Variants in KCNQ5 observed in about 807,000 individuals in gnomAD.
The protein encoded by KCNQ5 is potassium voltage-gated channel subfamily Q member 5.
A neutral mutation model predicts 98.2 loss-of-function variants in KCNQ5; 30 were observed. The observed-to-expected ratio is 0.31, with a 90% CI of 0.23 to 0.41. The LOEUF is 0.41. KCNQ5 is among the 10% of genes least tolerant of loss of function. KCNQ5 has a pLI of 1.00. For synonymous variants in KCNQ5, 458 were observed against 449.4 expected (o/e 1.02, Z -0.24); for missense variants, 835 against 1,182.5 (o/e 0.71, Z 4.31).
intron 1 of KCNQ5, among the ~76,000 whole-genome samples, chr6:73,002,887 A>G (rs1477662017): frequency 6.6e-6 from 1 of 152,160 alleles, no homozygotes; most frequent in East Asian, 1.9e-4. Context: ...GGAACTTCCA[A>G]TCAAGTGTGG....
At chr6:73,085,314 G>A (rs911077658) in intron 5 of KCNQ5, among the ~76,000 whole-genome samples, 4 of 152,108 alleles carry the variant, frequency 2.6e-5, no homozygotes, top group Non-Finnish European at 4.4e-5. Flanking sequence ...CCACAGAAGG[G>A]AAATGATGCA....
chr6:72,973,362 A>G (rs115676759), intron 1 of KCNQ5, among the ~76,000 whole-genome samples: 1,621 of 152,296 alleles, frequency 0.011, 34 homozygotes, highest in African/African-American at 0.037. Flanking sequence ...TGGGTCAACA[A>G]TACTTTTTTA....
At chr6:72,728,395 TA>T (rs879886924) in intron 1 of KCNQ5, among the ~76,000 whole-genome samples, 84 of 151,820 alleles carry the variant, frequency 5.5e-4, no homozygotes, top group Non-Finnish European at 1.1e-3. Flanking sequence ...CCTGTTAATT[TA>T]AAAAAAAAGT....
At chr6:72,658,760 C>T (rs1451302934) in intron 1 of KCNQ5, among the ~76,000 whole-genome samples, 2 of 149,708 alleles carry the variant, frequency 1.3e-5, no homozygotes, top group African/African-American at 4.9e-5. Flanking sequence ...TTGTATTTTT[C>T]GTAGAGACGG....
At chr6:72,968,452 A>G (rs1300303686) in intron 1 of KCNQ5, among the ~76,000 whole-genome samples, 1 of 143,420 alleles carries the variant, frequency 7.0e-6, no homozygotes, top group Non-Finnish European at 1.5e-5. Flanking sequence ...GAAATAAGTG[A>G]AAAAAAAAAC....
At chr6:73,108,499 T>C (rs575986860) in intron 6 of KCNQ5, among the ~76,000 whole-genome samples, 1 of 152,306 alleles carries the variant, frequency 6.6e-6, no homozygotes, top group South Asian at 2.1e-4. Context: ...ATGTAATTAT[T>C]GCATATAATA....
At chr6:73,029,659 C>A (rs1420485045) in intron 2 of KCNQ5, among the ~76,000 whole-genome samples, 1 of 151,648 alleles carries the variant, frequency 6.6e-6, no homozygotes, top group Non-Finnish European at 1.5e-5. Flanking sequence ...TTTGGCCGGG[C>A]GCGGTGGCTC....
intron 1 of KCNQ5, among the ~76,000 whole-genome samples, chr6:72,865,950 C>T (rs1196162824): frequency 6.6e-6 from 1 of 152,156 alleles, no homozygotes; most frequent in African/African-American, 2.4e-5. Context: ...GTCAACTTGC[C>T]TGGTAGACAG....
intron 1 of KCNQ5, among the ~76,000 whole-genome samples, chr6:72,673,634 G>A (rs1767253507): frequency 6.6e-6 from 1 of 152,116 alleles, no homozygotes; most frequent in African/African-American, 2.4e-5. Flanking sequence ...AAGAGGTAAG[G>A]CAAGGAAGGA....
intron 1 of KCNQ5, among the ~76,000 whole-genome samples, chr6:72,706,468 G>C (rs922518793): frequency 6.6e-6 from 1 of 151,834 alleles, no homozygotes; most frequent in Non-Finnish European, 1.5e-5. Context: ...TTTTATAACT[G>C]AATAATCTGA....
intron 6 of KCNQ5, among the ~76,000 whole-genome samples, chr6:73,108,623 G>A (rs546080686): frequency 5.3e-5 from 8 of 152,234 alleles, no homozygotes; most frequent in East Asian, 1.9e-4. Flanking sequence ...TGAGGAGATC[G>A]AGACCATCCT....
chr6:73,057,568 A>T (rs1180492588), intron 3 of KCNQ5, among the ~76,000 whole-genome samples: 1 of 152,108 alleles, frequency 6.6e-6, no homozygotes, highest in African/African-American at 2.4e-5. Context: ...TCTCTACAAC[A>T]AGCATTATAA....
At chr6:72,841,889 A>G (rs1331162363) in intron 1 of KCNQ5, among the ~76,000 whole-genome samples, 1 of 152,200 alleles carries the variant, frequency 6.6e-6, no homozygotes, top group Non-Finnish European at 1.5e-5. Flanking sequence ...AGCATAAAAC[A>G]TGTACCAAAA....
intron 1 of KCNQ5, among the ~76,000 whole-genome samples, chr6:72,766,686 T>C (rs1287663434): frequency 6.6e-6 from 1 of 151,894 alleles, no homozygotes; most frequent in African/African-American, 2.4e-5. Context: ...AAGGCTTTTG[T>C]CCTGAACAAT....
rs545031784 is a variant in KCNQ5, at chr6:72,689,232, G to A, written c.398+66645G>A. 4.3e-4 allele frequency among the ~76,000 whole-genome samples: 65 copies of A among 152,294 alleles called. 1 individual carries two copies. The highest frequency in any genetic ancestry group is 1.5e-3 in the African/African-American group (61 of 41,556). ...GTGGTGCTTTCAAGCGTCAATGGCG[G>A]AACAGAATGAGTAAGAGCAGAGACA... On this transcript the variant is annotated intron_variant, in intron 1 of 13. Coordinates refer to ENST00000370398, the MANE Select transcript of KCNQ5 (RefSeq NM_019842.4).
Position 73,195,490 on chromosome 6 carries a change from C to T in KCNQ5, c.*76C>T. 6.6e-7 allele frequency: 1 copy of T among 1,515,078 alleles called. No homozygotes were observed. The highest frequency in any genetic ancestry group is 8.8e-7 in the Non-Finnish European group (1 of 1,133,350). The allele number at this position is 1,515,078 out of a possible 1,614,324, so 93.9% of individuals were successfully genotyped here. On this transcript the variant is annotated 3_prime_UTR_variant, in exon 14 of 14. Coordinates refer to ENST00000370398, the MANE Select transcript of KCNQ5 (RefSeq NM_019842.4). ...TGCATGAACTATTTCGAAAGCCCTT[C>T]TAAAAAGTTGAAATTGCAAGAATCG...
intron 13 of KCNQ5, 72 bp from the exon 14 acceptor site, chr6:73,194,380 T>C (rs556683829): frequency 7.1e-7 from 1 of 1,409,610 alleles, no homozygotes; most frequent in Non-Finnish European, 9.6e-7. Flanking sequence ...ACTTCATTTT[T>C]CAAAATTAAA....
chr6:72,854,674 T>A (rs1376238398), intron 1 of KCNQ5, among the ~76,000 whole-genome samples: 1 of 150,148 alleles, frequency 6.7e-6, no homozygotes, highest in African/African-American at 2.4e-5. Flanking sequence ...AAAAATCATA[T>A]CTAAATGACT....
At chr6:72,801,118 G>C (rs1337146813) in intron 1 of KCNQ5, among the ~76,000 whole-genome samples, 1 of 152,084 alleles carries the variant, frequency 6.6e-6, no homozygotes, top group Non-Finnish European at 1.5e-5. Flanking sequence ...TTGGGGTGGA[G>C]AGTTCTGGAG....
Sources: allele counts gnomAD v4.1 joint callset (sites outside exome capture counted in the v4.1 genomes callset), GRCh38; gene constraint gnomAD v4.1.1; transcripts MANE v1.5; gene names NCBI Gene and HGNC (gene_info 2026-07-23, HGNC 2026-07-21).